The following GUCY1A2 variants were observed in gnomAD, a reference collection of about 807,000 sequenced individuals.
GUCY1A2 encodes guanylate cyclase 1 soluble subunit alpha 2.
In GUCY1A2, 27 loss-of-function variants were observed where a neutral mutation model predicts 63.5. That is an observed-to-expected ratio of 0.43 (90% confidence interval 0.31 to 0.59). The LOEUF (loss-of-function observed/expected upper bound fraction) is 0.59. Ranked by LOEUF, GUCY1A2 falls within the 20% of genes least tolerant of loss-of-function variation. GUCY1A2 has a pLI of 0.11. For synonymous variants in GUCY1A2, 364 were observed against 343.5 expected (o/e 1.06, Z -0.66); for missense variants, 768 against 913.3 (o/e 0.84, Z 2.05).
chr11:106,798,307 G>A (rs993502832), intron 5 of GUCY1A2, among the ~76,000 whole-genome samples: 9 of 152,096 alleles, frequency 5.9e-5, no homozygotes, highest in African/African-American at 1.2e-4. Flanking sequence ...AGGACCAGAC[G>A]GATTCACAGC....
At position 106,810,496 on chromosome 11, in the gene GUCY1A2, A is replaced by G. The variant is rs201438036; in HGVS notation, c.1207-18T>C. 3.2e-6 allele frequency: 5 copies of G among 1,580,230 alleles called. No individual in the cohort carries two copies. The Admixed American group carries it at 5.4e-5, about 17-fold the overall frequency. ...TCCATCACCTGTGAAATTAACATGG[A>G]ATTTTGATCAGTACTCTTCACATAG... is the stretch of plus-strand genomic sequence containing the variant. On this transcript the variant is annotated intron_variant, in intron 4 of 7. Transcript: ENST00000526355.
rs146861442 is a variant in GUCY1A2, at chr11:106,751,322, G to T, written c.1836+25117C>A. Among the ~76,000 whole-genome samples, 742 of 152,124 alleles carry T rather than the reference G, an allele frequency of 4.9e-3. 8 individuals are homozygous for T. The highest frequency in any genetic ancestry group is 0.017 in the African/African-American group (711 of 41,542). ...TCTCTATTTCTATTTCTAGAGTCTT[G>T]CCAGCTAAGGCAGTAAATGATATAC... On this transcript the variant is annotated intron_variant, in intron 6 of 7. Transcript: ENST00000526355.
chr11:106,930,360 T>C (rs1860584463), intron 4 of GUCY1A2, among the ~76,000 whole-genome samples: 1 of 152,224 alleles, frequency 6.6e-6, no homozygotes, highest in South Asian at 2.1e-4. Flanking sequence ...AGTCTCGCTC[T>C]GTCAACCAGG....
chr11:106,828,044 A>C (rs1858998493), intron 4 of GUCY1A2, among the ~76,000 whole-genome samples: 1 of 152,108 alleles, frequency 6.6e-6, no homozygotes, highest in African/African-American at 2.4e-5. Flanking sequence ...CTTTTAATGT[A>C]GCTCTTTATT....
intron 6 of GUCY1A2, among the ~76,000 whole-genome samples, chr11:106,744,859 T>C (rs557400116): frequency 1.3e-5 from 2 of 152,312 alleles, no homozygotes; most frequent in South Asian, 4.1e-4. Context: ...TGGATAATGA[T>C]TGACTTCTCT....
intron 4 of GUCY1A2, among the ~76,000 whole-genome samples, chr11:106,931,580 A>G (rs1364636971): frequency 9.5e-5 from 3 of 31,610 alleles, no homozygotes; most frequent in Non-Finnish European, 1.9e-4. Context: ...CAAAATCTGG[A>G]AAATCAATGT....
chr11:107,012,492 T>C (rs1252342896), intron 1 of GUCY1A2, among the ~76,000 whole-genome samples: 1 of 152,150 alleles, frequency 6.6e-6, no homozygotes, highest in South Asian at 2.1e-4. Context: ...TACAAGGTAG[T>C]TGTTATTCCT....
intron 6 of GUCY1A2, among the ~76,000 whole-genome samples, chr11:106,738,463 G>T (rs1440568990): frequency 1.3e-5 from 2 of 152,106 alleles, no homozygotes; most frequent in African/African-American, 4.8e-5. Context: ...TGAAGTCTTT[G>T]CCCATGCCTA....
intron 2 of GUCY1A2, among the ~76,000 whole-genome samples, chr11:106,982,097 T>C (rs1174523182): frequency 1.3e-5 from 2 of 152,166 alleles, no homozygotes; most frequent in Non-Finnish European, 2.9e-5. Context: ...ATTTTTAAAA[T>C]GAGAAAACTG....
intron 4 of GUCY1A2, among the ~76,000 whole-genome samples, chr11:106,877,304 C>A (rs868796137): frequency 6.6e-6 from 1 of 151,956 alleles, no homozygotes; most frequent in Non-Finnish European, 1.5e-5. Flanking sequence ...TATTTGGATG[C>A]CCTTTATTTC....
chr11:106,896,357 T>A (rs1025125442), intron 4 of GUCY1A2, among the ~76,000 whole-genome samples: 13 of 152,138 alleles, frequency 8.5e-5, no homozygotes, highest in African/African-American at 3.1e-4. Flanking sequence ...CAGCTAACAT[T>A]ATTCTTAATG....
At chr11:106,910,671 C>T (rs1310859798) in intron 4 of GUCY1A2, among the ~76,000 whole-genome samples, 1 of 152,042 alleles carries the variant, frequency 6.6e-6, no homozygotes, top group Non-Finnish European at 1.5e-5. Context: ...ATACTGTTCT[C>T]AGGTCTCCAC....
chr11:106,920,222 G>C (rs1017203082), intron 4 of GUCY1A2, among the ~76,000 whole-genome samples: 1 of 151,884 alleles, frequency 6.6e-6, no homozygotes, highest in South Asian at 2.1e-4. Context: ...TCAGTGGATG[G>C]AGCAGTGCAG....
At chr11:106,953,163 G>A (rs867341376) in intron 3 of GUCY1A2, among the ~76,000 whole-genome samples, 3 of 152,244 alleles carry the variant, frequency 2.0e-5, no homozygotes, top group Middle Eastern at 3.4e-3. Flanking sequence ...TTGGCTGTGG[G>A]TTTGTCATAA....
chr11:106,981,126 T>C (rs1204502647), intron 2 of GUCY1A2, among the ~76,000 whole-genome samples: 1 of 152,194 alleles, frequency 6.6e-6, no homozygotes, highest in South Asian at 2.1e-4. Flanking sequence ...TTTTTTTCTA[T>C]GTAAATATAT....
intron 6 of GUCY1A2, among the ~76,000 whole-genome samples, chr11:106,723,737 C>T (rs892385164): frequency 4.6e-5 from 7 of 152,120 alleles, no homozygotes; most frequent in Non-Finnish European, 8.8e-5. Context: ...GCAGGAGAAT[C>T]ACTTGAATCC....
chr11:106,751,535 T>C (rs1387237276), intron 6 of GUCY1A2, among the ~76,000 whole-genome samples: 1 of 150,884 alleles, frequency 6.6e-6, no homozygotes, highest in East Asian at 1.9e-4. Flanking sequence ...AGTACTGATG[T>C]GAATAGTACT....
Position 106,687,399 on chromosome 11 carries a change from T to C in GUCY1A2, c.*150A>G. Reference sequence around the variant, plus strand: ...TATTGACAGCGGTCACCTCCACCTTTTAGTAGGATTATTGCCTGACATAAT... The same window carrying C: ...TATTGACAGCGGTCACCTCCACCTTCTAGTAGGATTATTGCCTGACATAAT... On this transcript the variant is annotated 3_prime_UTR_variant, in exon 8 of 8. Coordinates refer to ENST00000526355, the MANE Select transcript of GUCY1A2 (RefSeq NM_000855.3). 1 of 655,706 alleles carries C rather than the reference T, an allele frequency of 1.5e-6. No homozygotes were observed. 40.6% of individuals were successfully genotyped at this position (655,706 alleles called of 1,614,324 possible). A position where few individuals can be genotyped will look rare whatever the true frequency, so the allele number is the denominator to read the frequency against.
chr11:106,734,728 G>C (rs774814268), intron 6 of GUCY1A2, among the ~76,000 whole-genome samples: 3 of 152,062 alleles, frequency 2.0e-5, no homozygotes, highest in Non-Finnish European at 4.4e-5. Context: ...TGTTGTCCAT[G>C]TTTTCCCACC....
Sources: allele counts gnomAD v4.1 joint callset (sites outside exome capture counted in the v4.1 genomes callset), GRCh38; gene constraint gnomAD v4.1.1; transcripts MANE v1.5; gene names NCBI Gene and HGNC (gene_info 2026-07-23, HGNC 2026-07-21).